The following LAMA3 variants were observed in gnomAD, a reference collection of about 807,000 sequenced individuals.
LAMA3 encodes laminin subunit alpha 3.
LAMA3 carries 281 observed loss-of-function variants against 402.0 expected under a neutral mutation model. That is an observed-to-expected ratio of 0.70 (90% CI 0.63 to 0.77). The LOEUF is 0.77. Among genes scored for constraint, LAMA3 ranks in the 30% least tolerant of loss-of-function variants. The probability of loss-of-function intolerance (pLI) is 0.00; values close to 1 mark genes in which losing one functional copy is unlikely to be tolerated. For missense variants in LAMA3, 3,840 were observed against 4,215.5 expected (o/e 0.91, Z 2.47); for synonymous variants, 1,431 against 1,558.4 (o/e 0.92, Z 1.93).
chr18:23,858,868 A>G (rs763068277), intron 34 of LAMA3, 39 bp downstream of exon 34: 1 of 1,604,430 alleles, frequency 6.2e-7, no homozygotes, highest in Non-Finnish European at 8.5e-7. Context: ...CATTTTGTAC[A>G]TGGATTTGTT....
At chr18:23,740,407 AT>A (rs36082121) in intron 2 of LAMA3, among the ~76,000 whole-genome samples, 5,419 of 145,874 alleles carry the variant, frequency 0.037, 118 homozygotes, top group Middle Eastern at 0.1. Flanking sequence ...TTGTCTTACC[AT>A]TTTTTTTTTT....
At chr18:23,894,240 G>T (rs2080796090) in intron 42 of LAMA3, 58 bp from the exon 43 acceptor site, 1 of 1,344,592 alleles carries the variant, frequency 7.4e-7, no homozygotes, top group South Asian at 1.2e-5. Context: ...CCAAGTTAAA[G>T]AGCAGATGAA....
intron 12 of LAMA3, among the ~76,000 whole-genome samples, chr18:23,796,696 T>C (rs1378870285): frequency 6.6e-6 from 1 of 152,106 alleles, no homozygotes; most frequent in Non-Finnish European, 1.5e-5. Context: ...TATCTTCCCA[T>C]TGATTTTTTT....
chr18:23,735,441 C>T (rs1486062884), intron 2 of LAMA3, among the ~76,000 whole-genome samples: 2 of 152,172 alleles, frequency 1.3e-5, no homozygotes, highest in Non-Finnish European at 2.9e-5. Context: ...GCTCATACGT[C>T]TTCGTTCCTA....
chr18:23,771,431 G>A (rs2062196038), intron 8 of LAMA3, among the ~76,000 whole-genome samples: 1 of 152,148 alleles, frequency 6.6e-6, no homozygotes, highest in Non-Finnish European at 1.5e-5. Context: ...ACTGTGAAGG[G>A]GAAAGAGGAA....
intron 58 of LAMA3, 119 bp downstream of exon 58, chr18:23,914,979 G>A: frequency 1.2e-6 from 1 of 859,828 alleles, no homozygotes; most frequent in East Asian, 2.6e-5. Flanking sequence ...CATTCTTACA[G>A]CACATTCTAG....
At chr18:23,902,075 C>T (rs1204591606) in intron 48 of LAMA3, among the ~76,000 whole-genome samples, 2 of 152,180 alleles carry the variant, frequency 1.3e-5, no homozygotes, top group African/African-American at 2.4e-5. Context: ...GTAATCCTAA[C>T]ACTTTGAGAG....
chr18:23,763,406 A>G lies in LAMA3; in HGVS notation c.1065A>G (p.Ala355=), dbSNP rs1224425153. ...AAWEQSHECE[A]CNCHGHASNC... Reference sequence around the variant, plus strand: ...TGACTTATTATGCTTTTTTTTCAGCATGCAACTGCCACGGCCATGCCAGCA... The same window carrying G: ...TGACTTATTATGCTTTTTTTTCAGCGTGCAACTGCCACGGCCATGCCAGCA... The change falls in exon 8 of 75, where the codon GCA becomes GCG. Residue 355 remains alanine, a splice_region_variant and synonymous_variant. Coordinates refer to ENST00000313654, the MANE Select transcript of LAMA3 (RefSeq NM_198129.4). 1.9e-6 allele frequency: 3 copies of G among 1,604,364 alleles called. No homozygotes were observed. Among genetic ancestry groups the G allele is most frequent in the East Asian group, 2.2e-5 (1 of 44,840 alleles).
At chr18:23,864,967 G>A in intron 36 of LAMA3, 84 bp downstream of exon 36, 1 of 859,834 alleles carries the variant, frequency 1.2e-6, no homozygotes, top group Non-Finnish European at 2.0e-6. Context: ...TTGATATGTG[G>A]CCTACAAAAA....
At chr18:23,889,928 CAG>C in intron 41 of LAMA3, 81 bp from the exon 42 acceptor site, 2 of 1,020,252 alleles carry the variant, frequency 2.0e-6, no homozygotes, top group Non-Finnish European at 3.1e-6. Flanking sequence ...ATATCCCAAA[CAG>C]AGAGCTAGAG....
At position 23,945,935 on chromosome 18, in the gene LAMA3, C is replaced by A. The variant is rs556806832; in HGVS notation, c.9211-209C>A. On this transcript the variant is annotated intron_variant, in intron 69 of 74. Coordinates refer to ENST00000313654, the MANE Select transcript of LAMA3 (RefSeq NM_198129.4). Reference sequence around the variant, plus strand: ...CTAAGCAACCTTTTTTTTTCAGTTCCCCTTTTGAGCTCAGTTTGTTCAGTA... The same window carrying A: ...CTAAGCAACCTTTTTTTTTCAGTTCACCTTTTGAGCTCAGTTTGTTCAGTA... Among the ~76,000 whole-genome samples, 7 of 151,800 alleles carry A rather than the reference C, an allele frequency of 4.6e-5. No individual in the cohort carries two copies. In the East Asian group the frequency reaches 1.4e-3, roughly 29 times the overall value.
At chr18:23,816,556 C>G in intron 18 of LAMA3, 69 bp downstream of exon 18, 4 of 1,277,178 alleles carry the variant, frequency 3.1e-6, no homozygotes, top group Non-Finnish European at 4.5e-6. Flanking sequence ...CCTGCCTGTG[C>G]TACAGCTCTG....
At position 23,846,298 on chromosome 18, in the gene LAMA3, C is replaced by T; in HGVS notation, c.3721C>T (p.Pro1241Ser). The change falls in exon 31 of 75, where the codon CCC (proline) becomes TCC (serine). Residue 1241 changes from proline (P) to serine (S), a missense_variant and splice_region_variant. Pro to Ser is a moderately conservative substitution (Grantham distance 74). Coordinates refer to ENST00000313654, the MANE Select transcript of LAMA3 (RefSeq NM_198129.4). ...NCGKNSFYLD[P>S]QTASRFCKNS... ...CATGAGTTGTTTCTGTCTCCACAGC[C>T]CCCAGACAGCCTCCAGATTCTGTAA... 2 of 1,614,162 alleles carry T rather than the reference C, an allele frequency of 1.2e-6. No homozygotes were observed.
intron 5 of LAMA3, 44 bp downstream of exon 5, chr18:23,751,132 T>G (rs1235403901): frequency 6.2e-7 from 1 of 1,606,412 alleles, no homozygotes; most frequent in Non-Finnish European, 8.5e-7. Flanking sequence ...TTTATTCATT[T>G]TTTTGGCTTA....
chr18:23,722,272 G>T (rs2061228246), intron 2 of LAMA3, among the ~76,000 whole-genome samples: 1 of 152,128 alleles, frequency 6.6e-6, no homozygotes, highest in Non-Finnish European at 1.5e-5. Context: ...TTGCCTGCTG[G>T]AAACCCTTCC....
At chr18:23,763,047 G>A (rs1406582327) in intron 7 of LAMA3, among the ~76,000 whole-genome samples, 1 of 152,052 alleles carries the variant, frequency 6.6e-6, no homozygotes, top group African/African-American at 2.4e-5. Context: ...AGTAGAGACA[G>A]GGTTTCACCA....
chr18:23,729,870 CA>C (rs1346270183), intron 2 of LAMA3, among the ~76,000 whole-genome samples: 1 of 152,216 alleles, frequency 6.6e-6, no homozygotes, highest in African/African-American at 2.4e-5. Flanking sequence ...TGTGTGATGG[CA>C]ATGTACGTGA....
intron 7 of LAMA3, among the ~76,000 whole-genome samples, chr18:23,759,212 C>T (rs576242806): frequency 6.6e-6 from 1 of 151,532 alleles, no homozygotes; most frequent in East Asian, 1.9e-4. Context: ...TGGTGCAGGC[C>T]TGTAGTCCCA....
At chr18:23,847,896 G>A (rs879923819) in intron 32 of LAMA3, among the ~76,000 whole-genome samples, 33 of 152,234 alleles carry the variant, frequency 2.2e-4, no homozygotes, top group Non-Finnish European at 3.5e-4. Flanking sequence ...ATCTTGGGCC[G>A]GCAGCAGCCT....
Sources: allele counts gnomAD v4.1 joint callset (sites outside exome capture counted in the v4.1 genomes callset), GRCh38; gene constraint gnomAD v4.1.1; transcripts MANE v1.5; gene names NCBI Gene and HGNC (gene_info 2026-07-23, HGNC 2026-07-21).